Variants in HECW1 observed in about 807,000 individuals in gnomAD.
HECW1 encodes the protein E3 ubiquitin-protein ligase HECW1.
Under a neutral mutation model 182.3 loss-of-function variants are expected in HECW1, and 61 were observed. The ratio of observed to expected loss-of-function variants is 0.33; its 90% CI spans 0.27 to 0.41. The LOEUF is 0.41. Among genes scored for constraint, HECW1 ranks in the 10% least tolerant of loss-of-function variants. The pLI is 1.00. For missense variants in HECW1, 1,739 were observed against 2,108.9 expected (o/e 0.82, Z 3.44); for synonymous variants, 859 against 832.6 (o/e 1.03, Z -0.55).
chr7:43,424,829 A>G (rs2076303797), intron 8 of HECW1, among the ~76,000 whole-genome samples: 1 of 152,144 alleles, frequency 6.6e-6, no homozygotes, highest in Non-Finnish European at 1.5e-5. Flanking sequence ...TAATTAGCTA[A>G]TCCCACATTT....
At chr7:43,488,488 G>GAAAGAAAGAGAA (rs767310220) in intron 17 of HECW1, among the ~76,000 whole-genome samples, 14 of 112,710 alleles carry the variant, frequency 1.2e-4, no homozygotes, top group Middle Eastern at 3.9e-3. Context: ...AAGAAAGAAA[G>GAAAGAAAGAGAA]AGAAAGAAAG....
chr7:43,258,583 T>G (rs1800837954), intron 3 of HECW1: 1 of 152,184 alleles, frequency 6.6e-6, no homozygotes, highest in Non-Finnish European at 1.5e-5. Context: ...GCCAGTGTAC[T>G]TGAATGGGAA....
At chr7:43,446,081 T>C (rs1415343625) in intron 11 of HECW1, among the ~76,000 whole-genome samples, 1 of 152,242 alleles carries the variant, frequency 6.6e-6, no homozygotes, top group East Asian at 1.9e-4. Context: ...TACGTACATA[T>C]AGATATGTCT....
In HECW1 at chr7:43,563,291, G is replaced by A. The variant is rs936560234; in HGVS notation, c.*1365G>A. On this transcript the variant is annotated 3_prime_UTR_variant, in exon 30 of 30. Coordinates refer to ENST00000395891, the MANE Select transcript of HECW1 (RefSeq NM_015052.5). Reference sequence around the variant, plus strand: ...CAGAAAAACAGCTGCAGGCTCCAAAGACAGCCTAACCTCTCAACTACATTT... The same window carrying A: ...CAGAAAAACAGCTGCAGGCTCCAAAAACAGCCTAACCTCTCAACTACATTT... 8 of 210,744 alleles carry A rather than the reference G, an allele frequency of 3.8e-5. No homozygotes were observed. The highest frequency in any genetic ancestry group is 1.8e-4 in the African/African-American group (8 of 44,046). The allele number at this position is 210,744 out of a possible 1,614,324, so 13.1% of individuals were successfully genotyped here.
At chr7:43,477,711 C>G (rs1232789228) in intron 16 of HECW1, among the ~76,000 whole-genome samples, 2 of 151,846 alleles carry the variant, frequency 1.3e-5, no homozygotes, top group African/African-American at 4.8e-5. Flanking sequence ...TACCTTTTTC[C>G]TGGGGGGTGT....
At chr7:43,215,355 G>A (rs183737405) in intron 2 of HECW1, among the ~76,000 whole-genome samples, 79 of 152,304 alleles carry the variant, frequency 5.2e-4, no homozygotes, top group African/African-American at 1.7e-3. Flanking sequence ...TCCTAACATG[G>A]TTCAGCATGG....
At chr7:43,420,360 A>G (rs187044084) in intron 8 of HECW1, among the ~76,000 whole-genome samples, 3 of 152,340 alleles carry the variant, frequency 2.0e-5, no homozygotes, top group African/African-American at 7.2e-5. Context: ...TCCACAGCAA[A>G]CACTATACTT....
At chr7:43,192,645 A>G (rs1794035931) in intron 2 of HECW1, among the ~76,000 whole-genome samples, 1 of 152,232 alleles carries the variant, frequency 6.6e-6, no homozygotes, top group South Asian at 2.1e-4. Flanking sequence ...AATATAGAAA[A>G]GTATAAAGAA....
intron 6 of HECW1, among the ~76,000 whole-genome samples, chr7:43,375,088 A>G (rs189272907): frequency 7.2e-5 from 11 of 152,328 alleles, no homozygotes; most frequent in Admixed American, 2.0e-4. Flanking sequence ...GAACATTGTG[A>G]AATTTCCTAA....
chr7:43,383,365 T>A (rs957774621), intron 6 of HECW1, among the ~76,000 whole-genome samples: 1 of 152,232 alleles, frequency 6.6e-6, no homozygotes, highest in Non-Finnish European at 1.5e-5. Context: ...CACACTGTCT[T>A]CCACAATGGT....
intron 6 of HECW1, among the ~76,000 whole-genome samples, chr7:43,371,614 T>G (rs79586318): frequency 0.05 from 7,585 of 152,160 alleles, 308 homozygotes; most frequent in East Asian, 0.22. Flanking sequence ...TTTATCAAAT[T>G]TATCAAAATT....
chr7:43,122,132 A>C (rs1206385359), intron 2 of HECW1: 1 of 152,248 alleles, frequency 6.6e-6, no homozygotes, highest in Admixed American at 6.5e-5. Context: ...TGAAGAATGA[A>C]TGAAGTACAT....
At position 43,565,000 on chromosome 7, in the gene HECW1, A is replaced by C. The variant is rs1430013062; in HGVS notation, c.*3074A>C. 1.1e-5 allele frequency: 2 copies of C among 187,018 alleles called. No individual in the cohort carries two copies. Among genetic ancestry groups the C allele is most frequent in the African/African-American group, 2.3e-5 (1 of 42,742 alleles). 11.6% of individuals were successfully genotyped at this position (187,018 alleles called of 1,614,324 possible). Reference sequence around the variant, plus strand: ...TTTTAGTAAGAGTGTAACGCCTTTAATCAGGGGACAAACAAGAACAATAAA... The same window carrying C: ...TTTTAGTAAGAGTGTAACGCCTTTACTCAGGGGACAAACAAGAACAATAAA... On this transcript the variant is annotated 3_prime_UTR_variant, in exon 30 of 30. Transcript: ENST00000395891.
At chr7:43,132,898 T>C (rs989122772) in intron 2 of HECW1, among the ~76,000 whole-genome samples, 1 of 152,192 alleles carries the variant, frequency 6.6e-6, no homozygotes, top group Non-Finnish European at 1.5e-5. Context: ...AGAAGAGTTC[T>C]ATTTAGTTCT....
chr7:43,320,666 TA>T lies in HECW1; in HGVS notation c.389del (p.Asn130ThrfsTer37). 6.2e-7 allele frequency: 1 copy of T among 1,614,170 alleles called. No homozygotes were observed. The highest frequency in any genetic ancestry group is 8.5e-7 in the Non-Finnish European group (1 of 1,179,996). ...TCTTGTCCGAAAACTTTCTGGACTA[TA>T]AAAACCGTGGAGTCAATGGTTCTCA... ...EVLSENFLDY[K>X]NRGVNGSHRG... is the part of the protein sequence containing the mutation. On this transcript the variant is annotated frameshift_variant, in exon 5 of 30. Transcript: ENST00000395891. LOFTEE classifies it high-confidence loss of function.
At chr7:43,470,829 A>G (rs887834752) in intron 16 of HECW1, among the ~76,000 whole-genome samples, 1 of 152,224 alleles carries the variant, frequency 6.6e-6, no homozygotes, top group African/African-American at 2.4e-5. Context: ...AATGTCTAAG[A>G]GGCATACCAT....
At chr7:43,197,495 G>T (rs569209595) in intron 2 of HECW1, among the ~76,000 whole-genome samples, 1 of 152,352 alleles carries the variant, frequency 6.6e-6, no homozygotes, top group Non-Finnish European at 1.5e-5. Context: ...AGTGGCCCAA[G>T]GAGAGGGTGG....
chr7:43,231,871 A>C (rs1471640929), intron 2 of HECW1, among the ~76,000 whole-genome samples: 2 of 151,746 alleles, frequency 1.3e-5, no homozygotes, highest in Non-Finnish European at 2.9e-5. Flanking sequence ...CAAAAAAAAA[A>C]ATTAGCCAGG....
intron 5 of HECW1, among the ~76,000 whole-genome samples, chr7:43,336,084 T>G (rs117559544): frequency 0.037 from 5,502 of 147,804 alleles, 209 homozygotes; most frequent in East Asian, 0.17. Flanking sequence ...TCCCTTTCTT[T>G]CTTTCTCTTT....
Sources: allele counts gnomAD v4.1 joint callset (sites outside exome capture counted in the v4.1 genomes callset), GRCh38; gene constraint gnomAD v4.1.1; transcripts MANE v1.5; gene names NCBI Gene and HGNC (gene_info 2026-07-23, HGNC 2026-07-21).